DMD: variants seen among roughly 807,000 people sequenced by gnomAD.
DMD encodes dystrophin.
DMD carries 63 observed loss-of-function variants against 330.1 expected under a neutral mutation model. The ratio of observed to expected loss-of-function variants is 0.19; its 90% CI spans 0.16 to 0.24. DMD has a LOEUF of 0.24. DMD is among the 10% of genes least tolerant of loss of function. DMD has a pLI of 1.00. For synonymous variants in DMD, 1,223 were observed against 959.8 expected (o/e 1.27, Z -5.07); for missense variants, 3,344 against 2,684.1 (o/e 1.25, Z -5.43).
At chrX:31,722,524 G>C (rs2085646350) in intron 52 of DMD, among the ~76,000 whole-genome samples, 1 of 111,146 alleles carries the variant, frequency 9.0e-6, no homozygotes, top group Admixed American at 9.6e-5. Flanking sequence ...AAAATAAAAA[G>C]CTAAAGGGTT....
At chrX:32,653,244 C>T (rs933412267) in intron 9 of DMD, among the ~76,000 whole-genome samples, 3 of 111,795 alleles carry the variant, frequency 2.7e-5, no homozygotes, top group African/African-American at 9.8e-5. Flanking sequence ...ATGCCTATGT[C>T]CTGAAAGGTA....
intron 11 of DMD, among the ~76,000 whole-genome samples, chrX:32,633,710 T>A (rs1602356504): frequency 8.9e-6 from 1 of 111,906 alleles, no homozygotes; most frequent in South Asian, 3.7e-4. Context: ...AATATGATGC[T>A]GGCATCTGCT....
intron 1 of DMD, among the ~76,000 whole-genome samples, chrX:33,153,191 A>G (rs975467307): frequency 1.8e-5 from 2 of 112,923 alleles, no homozygotes; most frequent in African/African-American, 6.4e-5. Context: ...CAGGCGGATC[A>G]CCTAAGGTTG....
At chrX:32,286,354 C>T (rs1056434604) in intron 43 of DMD, among the ~76,000 whole-genome samples, 7 of 111,339 alleles carry the variant, frequency 6.3e-5, no homozygotes, top group Non-Finnish European at 1.3e-4. Context: ...ATGTTAGGAG[C>T]GACTAATAGT....
intron 43 of DMD, among the ~76,000 whole-genome samples, chrX:32,226,782 A>G (rs944219495): frequency 9.0e-6 from 1 of 111,349 alleles, no homozygotes; most frequent in African/African-American, 3.3e-5. Flanking sequence ...ATAAATAGCA[A>G]TAAAATTTAG....
intron 44 of DMD, among the ~76,000 whole-genome samples, chrX:32,156,177 C>T (rs761890045): frequency 2.7e-5 from 3 of 111,743 alleles, no homozygotes; most frequent in South Asian, 3.8e-4. Flanking sequence ...GTCAAGAGAT[C>T]GAGACTGTCC....
At position 33,131,324 on chromosome X, in the gene DMD, C is replaced by T. The variant is rs113458550; in HGVS notation, c.31+79958G>A. 1.8e-3 allele frequency among the ~76,000 whole-genome samples: 203 copies of T among 111,416 alleles called. 1 individual carries two copies. Among genetic ancestry groups the T allele is most frequent in the African/African-American group, 6.4e-3 (195 of 30,596 alleles). The stretch of plus-strand genomic sequence containing the variant: ...TTAAGAAAAAAACCCAGTGCCCAAA[C>T]TGCACTTCATATCAATGAAATCAGA... On this transcript the variant is annotated intron_variant, in intron 1 of 78. Transcript: ENST00000357033.
chrX:31,394,936 G>GGAGAGAGAGAGAGAGAGAGAGAGAGA (rs1196348642), intron 60 of DMD, among the ~76,000 whole-genome samples: 1 of 30,377 alleles, frequency 3.3e-5, no homozygotes, highest in Non-Finnish European at 6.1e-5. Flanking sequence ...GAGAGAGAAG[G>GGAGAGAGAGAGAGAGAGAGAGAGAGA]GTGAGAGAGA....
Position 31,219,467 on chromosome X carries a change from G to A in DMD, c.9361+3580C>T, listed in dbSNP as rs770007438. Among the ~76,000 whole-genome samples, 7 of 110,895 alleles carry A rather than the reference G, an allele frequency of 6.3e-5. No homozygotes were observed. In the South Asian group the frequency reaches 2.3e-3, roughly 37 times the overall value. ...TTCATCATCTCCTGCTGTTAACTGC[G>A]TTGCAGGGACTCTCCACTCCATACA... On this transcript the variant is annotated intron_variant, in intron 64 of 78. Coordinates refer to ENST00000357033, the MANE Select transcript of DMD (RefSeq NM_004006.3).
chrX:32,281,149 C>A (rs1369114225), intron 43 of DMD, among the ~76,000 whole-genome samples: 1 of 112,062 alleles, frequency 8.9e-6, no homozygotes, highest in Non-Finnish European at 1.9e-5. Flanking sequence ...GAAGCAGCTT[C>A]CAACTGTCCC....
At chrX:32,515,976 G>A (rs2045822388) in intron 18 of DMD, among the ~76,000 whole-genome samples, 1 of 110,999 alleles carries the variant, frequency 9.0e-6, no homozygotes, top group Non-Finnish European at 1.9e-5. Flanking sequence ...TTTAAAATAT[G>A]TGAAATTGAA....
At chrX:31,568,320 T>C (rs1022442791) in intron 55 of DMD, among the ~76,000 whole-genome samples, 1 of 111,583 alleles carries the variant, frequency 9.0e-6, no homozygotes, top group African/African-American at 3.2e-5. Context: ...TTGCTTATTT[T>C]CCATTTAGTA....
chrX:32,216,295 C>T (rs747380802), intron 44 of DMD, among the ~76,000 whole-genome samples: 12 of 111,980 alleles, frequency 1.1e-4, no homozygotes, highest in African/African-American at 2.9e-4. Flanking sequence ...TCTTTACCTG[C>T]ATATTCAAAG....
At chrX:32,435,189 T>C (rs933022890) in intron 29 of DMD, among the ~76,000 whole-genome samples, 1 of 100,351 alleles carries the variant, frequency 1.0e-5, no homozygotes, top group African/African-American at 3.6e-5. Context: ...TGCATTTATT[T>C]ACCAATCACT....
chrX:31,818,430 T>C (rs2092683654), intron 50 of DMD, among the ~76,000 whole-genome samples: 1 of 111,541 alleles, frequency 9.0e-6, no homozygotes, highest in Non-Finnish European at 1.9e-5. Context: ...AAGTTACACG[T>C]TAAATGGATT....
chrX:32,650,457 A>G (rs921388861), intron 9 of DMD, among the ~76,000 whole-genome samples: 1 of 111,631 alleles, frequency 9.0e-6, no homozygotes, highest in Non-Finnish European at 1.9e-5. Context: ...TATTTCCAAG[A>G]TAAAGGATTA....
chrX:31,963,787 C>CT (rs369054870), intron 45 of DMD, among the ~76,000 whole-genome samples: 9,560 of 80,329 alleles, frequency 0.12, 1,273 homozygotes, highest in African/African-American at 0.35. Context: ...GAGGAAAAAC[C>CT]TTTTTTTTTT....
At chrX:32,663,771 G>C (rs1336864298) in intron 9 of DMD, among the ~76,000 whole-genome samples, 1 of 111,666 alleles carries the variant, frequency 9.0e-6, no homozygotes, top group Non-Finnish European at 1.9e-5. Flanking sequence ...AGGAAGCAAG[G>C]AAGGGGAATT....
intron 44 of DMD, among the ~76,000 whole-genome samples, chrX:32,195,120 G>A (rs2096993293): frequency 1.8e-5 from 2 of 111,308 alleles, no homozygotes; most frequent in South Asian, 7.4e-4. Flanking sequence ...TGCATTACTT[G>A]CTTATAGATT....
Sources: gnomAD v4.1 joint callset for allele counts (sites outside exome capture counted in the v4.1 genomes callset) on GRCh38, gnomAD v4.1.1 for gene constraint, MANE v1.5 for transcripts, NCBI Gene and HGNC (gene_info 2026-07-23, HGNC 2026-07-21) for gene names.